The following SLC12A1 variants were observed in gnomAD, a reference collection of about 807,000 sequenced individuals.
The protein encoded by SLC12A1 is Na-K-2Cl cotransporter.
In SLC12A1, 89 loss-of-function variants were observed where a neutral mutation model predicts 130.4. The ratio of observed to expected loss-of-function variants is 0.68; its 90% CI spans 0.58 to 0.81. The LOEUF (loss-of-function observed/expected upper bound fraction) is 0.81, where lower values mean the gene tolerates loss of function less well. Among genes scored for constraint, SLC12A1 ranks in the 40% least tolerant of loss-of-function variants. SLC12A1 has a pLI of 0.00. For synonymous variants in SLC12A1, 499 were observed against 460.0 expected (o/e 1.08, Z -1.09); for missense variants, 1,310 against 1,336.4 (o/e 0.98, Z 0.31).
intron 19 of SLC12A1, among the ~76,000 whole-genome samples, chr15:48,271,802 C>G (rs938244048): frequency 8.5e-5 from 13 of 152,130 alleles, no homozygotes; most frequent in African/African-American, 2.7e-4. Context: ...CCTCAGCAAA[C>G]AGTATTTTGA....
At chr15:48,286,243 A>G (rs1202642403) in intron 21 of SLC12A1, among the ~76,000 whole-genome samples, 2 of 152,192 alleles carry the variant, frequency 1.3e-5, no homozygotes, top group East Asian at 3.9e-4. Flanking sequence ...ACAGAGAATG[A>G]TGGGAAATCC....
At chr15:48,245,026 G>T in intron 11 of SLC12A1, 122 bp downstream of exon 11, 1 of 906,138 alleles carries the variant, frequency 1.1e-6, no homozygotes, top group Non-Finnish European at 1.7e-6. Context: ...AGCATGGAAT[G>T]ATTCATGTGG....
chr15:48,260,358 A>G (rs1023770208), intron 17 of SLC12A1, among the ~76,000 whole-genome samples: 9 of 150,668 alleles, frequency 6.0e-5, no homozygotes, highest in African/African-American at 2.2e-4. Context: ...TCACACACAC[A>G]CACACACACA....
intron 5 of SLC12A1, chr15:48,227,125 C>T: frequency 6.4e-7 from 1 of 1,552,152 alleles, no homozygotes; most frequent in Non-Finnish European, 8.7e-7. Context: ...TAACGACACT[C>T]ACAGGTATTT....
intron 24 of SLC12A1, among the ~76,000 whole-genome samples, chr15:48,293,226 C>T (rs1465560735): frequency 1.3e-5 from 2 of 152,194 alleles, no homozygotes; most frequent in Non-Finnish European, 2.9e-5. Context: ...TATTTGAAAA[C>T]AGTTGTAGGT....
intron 5 of SLC12A1, chr15:48,227,396 A>G (rs923817497): frequency 1.4e-5 from 8 of 571,114 alleles, no homozygotes; most frequent in South Asian, 2.0e-5. Context: ...TATAAAGTGG[A>G]GAGTGACTAT....
At position 48,258,360 on chromosome 15, in the gene SLC12A1, C is replaced by A. The variant is rs867431795; in HGVS notation, c.2043-840C>A. On this transcript the variant is annotated intron_variant, in intron 16 of 26. Coordinates refer to ENST00000380993, the MANE Select transcript of SLC12A1 (RefSeq NM_000338.3). ...TGGGCGACAGAGCGAGACTCCGTCT[C>A]AAAAAAAAAAAAAAAAAAAAAAAAA... is the stretch of plus-strand genomic sequence containing the variant. Among the ~76,000 whole-genome samples, 8 of 30,248 alleles carry A rather than the reference C, an allele frequency of 2.6e-4. No homozygotes were observed. The African/African-American group carries it at 3.1e-3, about 12-fold the overall frequency. The allele number at this position is 30,248 out of a possible 152,430, so 19.8% of individuals were successfully genotyped here.
At chr15:48,258,489 C>T (rs1204279327) in intron 16 of SLC12A1, among the ~76,000 whole-genome samples, 1 of 151,468 alleles carries the variant, frequency 6.6e-6, no homozygotes, top group African/African-American at 2.4e-5. Flanking sequence ...TTGGTCAAAG[C>T]CATTCAATGA....
chr15:48,252,146 T>C (rs554368773), intron 15 of SLC12A1, among the ~76,000 whole-genome samples: 1 of 151,062 alleles, frequency 6.6e-6, no homozygotes, highest in Non-Finnish European at 1.5e-5. Context: ...GAGGTTGCAG[T>C]GAGCCGAGAT....
chr15:48,207,209 A>G (rs2040992752), intron 1 of SLC12A1, among the ~76,000 whole-genome samples: 1 of 152,226 alleles, frequency 6.6e-6, no homozygotes, highest in Admixed American at 6.5e-5. Flanking sequence ...GAATATTCTC[A>G]TCAGCTCTTA....
chr15:48,282,909 A>G (rs1425318219), intron 20 of SLC12A1, among the ~76,000 whole-genome samples: 3 of 152,200 alleles, frequency 2.0e-5, no homozygotes, highest in Non-Finnish European at 4.4e-5. Context: ...CTCTTTGCAT[A>G]TGAACCCTGT....
chr15:48,240,094 T>TATATATATATATATCC lies in SLC12A1; in HGVS notation c.1216-1407_1216-1406insCCATATATATATATAT, dbSNP rs1567317174. ...ATCCATATATATATATATATATCCA[T>TATATATATATATATCC]ATATATATATATATATCCATATATA... On this transcript the variant is annotated intron_variant, in intron 9 of 26. Coordinates refer to ENST00000380993, the MANE Select transcript of SLC12A1 (RefSeq NM_000338.3). Among the ~76,000 whole-genome samples the TATATATATATATATCC allele has an allele frequency of 6.5e-3, 513 of 78,690 alleles. 17 individuals carry two copies. The highest frequency in any genetic ancestry group is 9.1e-3 in the South Asian group (25 of 2,754). 51.6% of individuals were successfully genotyped at this position (78,690 alleles called of 152,430 possible). A position where few individuals can be genotyped will look rare whatever the true frequency, so the allele number is the denominator to read the frequency against.
At chr15:48,256,587 G>A (rs568769148) in intron 16 of SLC12A1, among the ~76,000 whole-genome samples, 1 of 152,162 alleles carries the variant, frequency 6.6e-6, no homozygotes, top group Non-Finnish European at 1.5e-5. Flanking sequence ...AGGAGCAAAG[G>A]CATGTCTTAC....
At chr15:48,235,796 T>C (rs1470990751) in intron 9 of SLC12A1, among the ~76,000 whole-genome samples, 1 of 152,146 alleles carries the variant, frequency 6.6e-6, no homozygotes, top group East Asian at 1.9e-4. Context: ...GAAACCCAGA[T>C]AACCTCTTTG....
At chr15:48,250,792 A>G (rs528957951) in intron 14 of SLC12A1, among the ~76,000 whole-genome samples, 29 of 152,146 alleles carry the variant, frequency 1.9e-4, no homozygotes, top group Admixed American at 6.5e-4. Context: ...GCCATTTAGG[A>G]AATTGCTCCC....
chr15:48,286,606 C>T (rs2042063195), intron 21 of SLC12A1, among the ~76,000 whole-genome samples: 1 of 152,192 alleles, frequency 6.6e-6, no homozygotes, highest in Non-Finnish European at 1.5e-5. Context: ...CTTATTATGA[C>T]AGCGGGACTT....
intron 18 of SLC12A1, among the ~76,000 whole-genome samples, chr15:48,268,099 G>T (rs1024839739): frequency 2.6e-5 from 4 of 152,076 alleles, no homozygotes; most frequent in African/African-American, 9.7e-5. Flanking sequence ...TTTTGCAAAT[G>T]GTGTTAGGGC....
intron 14 of SLC12A1, 22 bp from the exon 15 acceptor site, chr15:48,251,593 C>T (rs2041649033): frequency 1.2e-6 from 2 of 1,602,618 alleles, no homozygotes; most frequent in Non-Finnish European, 1.7e-6. Flanking sequence ...GGAAGTTTTC[C>T]TTCTGCATAT....
chr15:48,226,813 C>A (rs2041294999), intron 5 of SLC12A1: 2 of 589,348 alleles, frequency 3.4e-6, no homozygotes, highest in Non-Finnish European at 5.9e-6. Flanking sequence ...GTGCACCTTC[C>A]TTAGGTAAAC....
Sources: allele counts gnomAD v4.1 joint callset (sites outside exome capture counted in the v4.1 genomes callset), GRCh38; gene constraint gnomAD v4.1.1; transcripts MANE v1.5; gene names NCBI Gene and HGNC (gene_info 2026-07-23, HGNC 2026-07-21).